Variants in ADD1 observed in about 807,000 individuals in gnomAD.
The protein encoded by ADD1 is adducin 1, also known as alpha-adducin.
Under a neutral mutation model 80.5 loss-of-function variants are expected in ADD1, and 24 were observed. The observed-to-expected ratio is 0.30, with a 90% CI of 0.22 to 0.42. ADD1 has a LOEUF of 0.42. Ranked by LOEUF, ADD1 falls within the 10% of genes least tolerant of loss-of-function variation. The probability of loss-of-function intolerance (pLI) is 1.00; values close to 1 mark genes in which losing one functional copy is unlikely to be tolerated. For missense variants in ADD1, 948 were observed against 1,019.0 expected, an observed-to-expected ratio of 0.93 and a Z score of 0.95; for synonymous variants, 373 against 393.8, an observed-to-expected ratio of 0.95 and a Z score of 0.63.
chr4:2,899,677 A>G (rs113084553), intron 9 of ADD1: 14,626 of 523,006 alleles, frequency 0.028, 377 homozygotes, highest in African/African-American at 0.096. Context: ...CTCAGTGGGG[A>G]CAAGAGCACA....
At chr4:2,909,095 T>C (rs942750661) in intron 12 of ADD1, 5 of 546,382 alleles carry the variant, frequency 9.2e-6, no homozygotes, top group Non-Finnish European at 1.6e-5. Flanking sequence ...TAGTTATCTC[T>C]GAAAACTAAT....
In ADD1 at chr4:2,876,836, C is replaced by CT. The variant is rs1344109075; in HGVS notation, c.195+726_195+727insT. Among the ~76,000 whole-genome samples the CT allele has an allele frequency of 1.2e-3, 163 of 140,894 alleles. 1 individual carries two copies. Among genetic ancestry groups the CT allele is most frequent in the Admixed American group, 3.8e-3 (54 of 14,096 alleles). 92.4% of individuals were successfully genotyped at this position (140,894 alleles called of 152,430 possible). A position where few individuals can be genotyped will look rare whatever the true frequency, so the allele number is the denominator to read the frequency against. On this transcript the variant is annotated intron_variant, in intron 2 of 15. Coordinates refer to ENST00000683351, the MANE Select transcript of ADD1 (RefSeq NM_001354761.2). ...CCTGGGTGACATAGAGAGACTCCGTCCCAAAAAAAAAAAAAATTAGCCGGG... is the reference window on the plus strand; with the variant it reads ...CCTGGGTGACATAGAGAGACTCCGTCTCCAAAAAAAAAAAAAATTAGCCGGG...
chr4:2,863,757 T>TAGGG (rs759065981), intron 1 of ADD1, among the ~76,000 whole-genome samples: 4 of 152,050 alleles, frequency 2.6e-5, no homozygotes, highest in Non-Finnish European at 5.9e-5. Context: ...TTCTAAGAGA[T>TAGGG]AGGGTCTCAC....
intron 8 of ADD1, chr4:2,899,050 T>C: frequency 1.8e-6 from 1 of 570,940 alleles, no homozygotes; most frequent in Non-Finnish European, 3.0e-6. Flanking sequence ...CTCATTTCTC[T>C]GCCAACTTTG....
chr4:2,855,587 T>C (rs1388067237), intron 1 of ADD1, among the ~76,000 whole-genome samples: 1 of 151,904 alleles, frequency 6.6e-6, no homozygotes, highest in Non-Finnish European at 1.5e-5. Context: ...ATTCCAATTA[T>C]TCAACTCTCA....
At chr4:2,875,085 C>T (rs1336743949) in intron 1 of ADD1, among the ~76,000 whole-genome samples, 7 of 152,146 alleles carry the variant, frequency 4.6e-5, no homozygotes, top group African/African-American at 7.2e-5. Flanking sequence ...AAAAATTCGC[C>T]GGGCATGGCG....
chr4:2,849,826 T>C (rs1436128396), intron 1 of ADD1, among the ~76,000 whole-genome samples: 5 of 152,206 alleles, frequency 3.3e-5, no homozygotes, highest in Non-Finnish European at 7.4e-5. Flanking sequence ...CTCTTCACTA[T>C]GGGTTTACTG....
intron 14 of ADD1, among the ~76,000 whole-genome samples, chr4:2,925,762 G>T (rs1207486485): frequency 6.6e-6 from 1 of 152,232 alleles, no homozygotes; most frequent in Non-Finnish European, 1.5e-5. Flanking sequence ...GGCTCTGGCA[G>T]ACTCTCTTTG....
intron 2 of ADD1, among the ~76,000 whole-genome samples, chr4:2,878,214 A>G (rs141770272): frequency 1.1e-3 from 163 of 152,274 alleles, no homozygotes; most frequent in African/African-American, 3.6e-3. Flanking sequence ...GAAAGGACAA[A>G]CGGTATTTTA....
chr4:2,862,030 C>A (rs1728894183), intron 1 of ADD1, among the ~76,000 whole-genome samples: 1 of 152,208 alleles, frequency 6.6e-6, no homozygotes, highest in Non-Finnish European at 1.5e-5. Context: ...AGATTGGACA[C>A]CCCTGGCTTA....
intron 1 of ADD1, among the ~76,000 whole-genome samples, chr4:2,853,437 C>T (rs1017284197): frequency 6.6e-6 from 1 of 152,006 alleles, no homozygotes; most frequent in Non-Finnish European, 1.5e-5. Flanking sequence ...CTATATAGCT[C>T]TCTAGAAGCA....
intron 1 of ADD1, among the ~76,000 whole-genome samples, chr4:2,875,484 A>G (rs988758064): frequency 6.6e-6 from 1 of 151,954 alleles, no homozygotes; most frequent in African/African-American, 2.4e-5. Context: ...ACCTTATGGG[A>G]AAAAAAATCA....
chr4:2,904,595 T>C, intron 9 of ADD1, 169 bp from the exon 10 acceptor site: 1 of 648,374 alleles, frequency 1.5e-6, no homozygotes, highest in South Asian at 2.0e-5. Context: ...GTACCTGGTT[T>C]TTGGTGAACA....
intron 1 of ADD1, among the ~76,000 whole-genome samples, chr4:2,866,864 A>G (rs1560157794): frequency 6.6e-6 from 1 of 152,132 alleles, no homozygotes; most frequent in Non-Finnish European, 1.5e-5. Flanking sequence ...TGAGCCCAGG[A>G]GTTCAAGACC....
rs1279346328 is a variant in ADD1 at position 2,928,382 on chromosome 4, G to T, written c.2259G>T (p.Glu753Asp). 1 of 1,613,248 alleles carries T rather than the reference G, an allele frequency of 6.2e-7. No individual in the cohort carries two copies. Among genetic ancestry groups the T allele is most frequent in the African/African-American group, 1.3e-5 (1 of 74,972 alleles). The change falls in exon 16 of 16, where the codon GAG becomes GAT. Residue 753 changes from glutamate (E) to aspartate (D), a missense_variant. Coordinates refer to ENST00000683351, the MANE Select transcript of ADD1 (RefSeq NM_001354761.2). Reference sequence around the variant, plus strand: ...CAGACCCAGCCCCGGTGGCTGAAGAGGCTGCCCCCTCAGCTGTCGAGGAGG... The same window carrying T: ...CAGACCCAGCCCCGGTGGCTGAAGATGCTGCCCCCTCAGCTGTCGAGGAGG... ...PAPDPAPVAEEAAPSAVEEGA... is the reference protein window; with the variant it reads ...PAPDPAPVAEDAAPSAVEEGA...
Position 2,926,498 on chromosome 4 carries a change from G to T in ADD1, c.2047+386G>T. On this transcript the variant is annotated intron_variant, in intron 15 of 15. Transcript: ENST00000683351. This position sits in a 1 kb window ranked among gnomAD's most constrained non-coding sequence, Gnocchi z 5.0. Reference sequence around the variant, plus strand: ...CGTGTGTCTGTGGTGTGTGATCCCGGGTGTCTGTCCCTCGGTCTCGTACAT... The same window carrying T: ...CGTGTGTCTGTGGTGTGTGATCCCGTGTGTCTGTCCCTCGGTCTCGTACAT... 1.2e-6 allele frequency: 1 copy of T among 849,974 alleles called. No homozygotes were observed. Among genetic ancestry groups the T allele is most frequent in the Non-Finnish European group, 1.9e-6 (1 of 522,554 alleles). 52.7% of individuals were successfully genotyped at this position (849,974 alleles called of 1,614,324 possible). A position where few individuals can be genotyped will look rare whatever the true frequency, so the allele number is the denominator to read the frequency against.
chr4:2,884,212 G>GT (rs1351601363), intron 3 of ADD1, among the ~76,000 whole-genome samples: 1 of 152,162 alleles, frequency 6.6e-6, no homozygotes, highest in African/African-American at 2.4e-5. Flanking sequence ...ACTTAATTGT[G>GT]TAAGTATTGG....
At chr4:2,914,771 G>C in intron 13 of ADD1, 113 bp from the exon 14 acceptor site, 1 of 1,265,528 alleles carries the variant, frequency 7.9e-7, no homozygotes, top group East Asian at 2.4e-5. Flanking sequence ...AGTCTCAGGG[G>C]TCTCTGCTCC....
At chr4:2,858,406 A>C (rs1728379750) in intron 1 of ADD1, among the ~76,000 whole-genome samples, 1 of 152,246 alleles carries the variant, frequency 6.6e-6, no homozygotes, top group Non-Finnish European at 1.5e-5. Flanking sequence ...AAATAGACAG[A>C]GATGAAGAAA....
Sources: gnomAD v4.1 joint callset for allele counts (sites outside exome capture counted in the v4.1 genomes callset) on GRCh38, gnomAD v4.1.1 for gene constraint, Gnocchi (gnomAD v3.1) non-coding constraint, MANE v1.5 for transcripts, NCBI Gene and HGNC (gene_info 2026-07-23, HGNC 2026-07-21) for gene names.